DENR: variants seen among roughly 807,000 people sequenced by gnomAD.
DENR encodes the protein density-regulated protein.
In DENR, 6 loss-of-function variants were observed where a neutral mutation model predicts 30.6. The observed-to-expected ratio is 0.20, with a 90% CI of 0.11 to 0.39. The LOEUF is 0.39. DENR is among the 10% of genes least tolerant of loss of function. The probability of loss-of-function intolerance (pLI) is 1.00; values close to 1 mark genes in which losing one functional copy is unlikely to be tolerated. For missense variants in DENR, 141 were observed against 230.9 expected, an observed-to-expected ratio of 0.61 and a Z score of 2.52; for synonymous variants, 78 against 72.1, an observed-to-expected ratio of 1.08 and a Z score of -0.41.
chr12:122,759,371 A>G (rs1015897914), intron 2 of DENR, among the ~76,000 whole-genome samples: 2 of 152,250 alleles, frequency 1.3e-5, no homozygotes, highest in African/African-American at 4.8e-5. Flanking sequence ...TTTAAAGCAA[A>G]TAATGGTGAA....
In DENR at chr12:122,762,219, A is replaced by AT. The variant is rs767961717; in HGVS notation, c.126+24dup. On this transcript the variant is annotated intron_variant, in intron 3 of 7. Transcript: ENST00000280557. ...ATTACCAACAGAGGTAAGTTCTTTA[A>AT]TTTTTTTTTTTACCTTATGTATTTG... 20,236 of 1,113,468 alleles carry AT rather than the reference A, an allele frequency of 0.018. 3 individuals carry two copies. Among genetic ancestry groups the AT allele is most frequent in the South Asian group, 0.022 (1,183 of 54,404 alleles). The allele number at this position is 1,113,468 out of a possible 1,614,324, so 69.0% of individuals were successfully genotyped here. A position where few individuals can be genotyped will look rare whatever the true frequency, so the allele number is the denominator to read the frequency against.
rs1878977445 is a variant in DENR, at chr12:122,769,582, C to T, written c.*504C>T. On this transcript the variant is annotated 3_prime_UTR_variant, in exon 8 of 8. Coordinates refer to ENST00000280557, the MANE Select transcript of DENR (RefSeq NM_003677.5). Reference sequence around the variant, plus strand: ...AATGCAGTGGTGCGATCTCGGCTCACTGCAACCTCCGCCTCCCGGGTTCAA... The same window carrying T: ...AATGCAGTGGTGCGATCTCGGCTCATTGCAACCTCCGCCTCCCGGGTTCAA... 1 of 637,800 alleles carries T rather than the reference C, an allele frequency of 1.6e-6. No individual in the cohort carries two copies. The highest frequency in any genetic ancestry group is 1.3e-4 in the East Asian group (1 of 7,482). The allele number at this position is 637,800 out of a possible 1,614,324, so 39.5% of individuals were successfully genotyped here.
chr12:122,769,271 T>A lies in DENR; in HGVS notation c.*193T>A, dbSNP rs1352562243. The A allele has an allele frequency of 1.3e-6, 1 of 777,532 alleles. No individual in the cohort carries two copies. Among genetic ancestry groups the A allele is most frequent in the Non-Finnish European group, 1.6e-6 (1 of 627,418 alleles). 48.2% of individuals were successfully genotyped at this position (777,532 alleles called of 1,614,324 possible). ...GTATATATATATACATACACATATA[T>A]GTATACATATATACACATATATGTA... On this transcript the variant is annotated 3_prime_UTR_variant, in exon 8 of 8. Coordinates refer to ENST00000280557, the MANE Select transcript of DENR (RefSeq NM_003677.5).
chr12:122,763,005 G>T, intron 4 of DENR, 76 bp downstream of exon 4: 1 of 826,534 alleles, frequency 1.2e-6, no homozygotes, highest in African/African-American at 1.7e-5. Context: ...CTAAAGATAG[G>T]AAAGTCCTCC....
At chr12:122,762,560 A>C (rs374610190) in intron 3 of DENR, among the ~76,000 whole-genome samples, 15 of 152,378 alleles carry the variant, frequency 9.8e-5, no homozygotes, top group African/African-American at 3.1e-4. Flanking sequence ...TTCTAAGTCC[A>C]GCTCTATGAG....
At chr12:122,754,072 A>C (rs761201847) in intron 2 of DENR, 14 of 479,208 alleles carry the variant, frequency 2.9e-5, no homozygotes, top group Non-Finnish European at 5.4e-5. Context: ...AAGGTCCTCA[A>C]GGTGTATGCT....
At position 122,770,537 on chromosome 12, in the gene DENR, C is replaced by A. The variant is rs1485018095; in HGVS notation, c.*1459C>A. ...GTTAAAAGTACTGTACACCCATGCT[C>A]AATATATAGTCCTGGAAATAGCAAT... On this transcript the variant is annotated 3_prime_UTR_variant, in exon 8 of 8. Transcript: ENST00000280557. 7.8e-5 allele frequency: 31 copies of A among 397,884 alleles called. No individual in the cohort carries two copies. The highest frequency in any genetic ancestry group is 1.8e-4 in the Admixed American group (4 of 22,700). 24.6% of individuals were successfully genotyped at this position (397,884 alleles called of 1,614,324 possible). A position where few individuals can be genotyped will look rare whatever the true frequency, so the allele number is the denominator to read the frequency against.
chr12:122,754,772 G>C (rs1878503309), intron 2 of DENR, among the ~76,000 whole-genome samples: 1 of 152,170 alleles, frequency 6.6e-6, no homozygotes, highest in Non-Finnish European at 1.5e-5. Flanking sequence ...AGATTAATAT[G>C]CTGCATTATT....
chr12:122,765,473 T>C (rs1878823186), intron 5 of DENR, 86 bp downstream of exon 5: 2 of 1,245,778 alleles, frequency 1.6e-6, no homozygotes, highest in African/African-American at 1.5e-5. Context: ...TTCCCAAAGC[T>C]AGGCACAATG....
At chr12:122,759,334 A>C (rs563725334) in intron 2 of DENR, among the ~76,000 whole-genome samples, 37 of 152,328 alleles carry the variant, frequency 2.4e-4, no homozygotes, top group Admixed American at 1.3e-3. Context: ...CAAATAAGTA[A>C]GTGATCTGTA....
intron 3 of DENR, 143 bp from the exon 4 acceptor site, chr12:122,762,700 TAC>T (rs1878734905): frequency 1.6e-6 from 1 of 632,808 alleles, no homozygotes; most frequent in African/African-American, 1.9e-5. Flanking sequence ...CGTGGTTGAA[TAC>T]AGATTTCCTG....
At chr12:122,765,250 T>C (rs1376784139) in intron 4 of DENR, 54 bp from the exon 5 acceptor site, 13 of 1,431,840 alleles carry the variant, frequency 9.1e-6, no homozygotes, top group Non-Finnish European at 8.6e-6. Flanking sequence ...GATTTCTTTT[T>C]TTTTAACAGT....
At chr12:122,757,518 ATC>A (rs1297537197) in intron 2 of DENR, among the ~76,000 whole-genome samples, 5 of 152,226 alleles carry the variant, frequency 3.3e-5, no homozygotes, top group Non-Finnish European at 7.3e-5. Context: ...TGTATATTTA[ATC>A]TTCAAAATTG....
chr12:122,759,241 T>C (rs1327647424), intron 2 of DENR, among the ~76,000 whole-genome samples: 1 of 152,216 alleles, frequency 6.6e-6, no homozygotes, highest in East Asian at 1.9e-4. Context: ...GAGCTCATAA[T>C]GTCAGATGTT....
intron 2 of DENR, among the ~76,000 whole-genome samples, chr12:122,758,758 C>G (rs972562202): frequency 6.6e-6 from 1 of 151,962 alleles, no homozygotes; most frequent in Non-Finnish European, 1.5e-5. Context: ...GAGTTAAGAT[C>G]ACATCACTGC....
chr12:122,757,380 G>A (rs1878578794), intron 2 of DENR, among the ~76,000 whole-genome samples: 1 of 152,164 alleles, frequency 6.6e-6, no homozygotes, highest in South Asian at 2.1e-4. Flanking sequence ...CATTTTAACA[G>A]GTGAGTTATA....
Position 122,769,204 on chromosome 12 carries a change from A to G in DENR, c.*126A>G. On this transcript the variant is annotated 3_prime_UTR_variant, in exon 8 of 8. Coordinates refer to ENST00000280557, the MANE Select transcript of DENR (RefSeq NM_003677.5). ...TATATATACACATATATGTATGTAT[A>G]CACATATACACATGTATATATACAT... 3.3e-6 allele frequency: 3 copies of G among 921,534 alleles called. No individual in the cohort carries two copies. Among genetic ancestry groups the G allele is most frequent in the Non-Finnish European group, 4.2e-6 (3 of 710,854 alleles). 57.1% of individuals were successfully genotyped at this position (921,534 alleles called of 1,614,324 possible).
At chr12:122,765,905 T>C (rs1474662187) in intron 5 of DENR, among the ~76,000 whole-genome samples, 1 of 152,182 alleles carries the variant, frequency 6.6e-6, no homozygotes. Flanking sequence ...TTGAAAACTT[T>C]GTTTTACGGC....
At position 122,763,256 on chromosome 12, in the gene DENR, A is replaced by G. The variant is rs536021507; in HGVS notation, c.211+327A>G. The G allele has an allele frequency of 2.9e-3, 521 of 182,478 alleles. 6 individuals carry two copies. The highest frequency in any genetic ancestry group is 0.012 in the African/African-American group (488 of 41,272). 11.3% of individuals were successfully genotyped at this position (182,478 alleles called of 1,614,324 possible). ...CTCTACTAAAAATGAAAAAAAAAAA[A>G]GGCGTGGTGGCAGGCACCTGTAGTC... On this transcript the variant is annotated intron_variant, in intron 4 of 7. Coordinates refer to ENST00000280557, the MANE Select transcript of DENR (RefSeq NM_003677.5).
Sources: allele counts gnomAD v4.1 joint callset (sites outside exome capture counted in the v4.1 genomes callset), GRCh38; gene constraint gnomAD v4.1.1; transcripts MANE v1.5; gene names NCBI Gene and HGNC (gene_info 2026-07-23, HGNC 2026-07-21).